MED13L: variants seen among roughly 807,000 people sequenced by gnomAD.
The protein encoded by MED13L is mediator complex subunit 13L.
MED13L carries 7 observed loss-of-function variants against 220.9 expected under a neutral mutation model. The ratio of observed to expected loss-of-function variants is 0.03; its 90% CI spans 0.02 to 0.06. The LOEUF is 0.06. MED13L is among the 10% of genes least tolerant of loss of function. The pLI is 1.00. For synonymous variants in MED13L, 1,011 were observed against 1,015.2 expected, an observed-to-expected ratio of 1.00 and a Z score of 0.08; for missense variants, 1,965 against 2,760.5, an observed-to-expected ratio of 0.71 and a Z score of 6.46.
intron 1 of MED13L, among the ~76,000 whole-genome samples, chr12:116,256,062 A>G (rs1212717283): frequency 6.6e-6 from 1 of 152,248 alleles, no homozygotes; most frequent in African/African-American, 2.4e-5. Flanking sequence ...GTAAAAATTC[A>G]TTGTACTACA....
intron 4 of MED13L, among the ~76,000 whole-genome samples, chr12:116,054,317 C>T (rs1868768236): frequency 6.6e-6 from 1 of 151,968 alleles, no homozygotes; most frequent in Non-Finnish European, 1.5e-5. Flanking sequence ...ATATCATATC[C>T]CACACATCAT....
intron 4 of MED13L, among the ~76,000 whole-genome samples, chr12:116,031,759 A>G (rs199987958): frequency 0.19 from 7,760 of 40,374 alleles, 1,276 homozygotes; most frequent in East Asian, 0.24. Context: ...AGAAAAGAAA[A>G]GAAGGAAGGA....
At position 116,063,275 on chromosome 12, in the gene MED13L, G is replaced by A. The variant is rs548258465; in HGVS notation, c.479+33394C>T. 2.4e-4 allele frequency among the ~76,000 whole-genome samples: 36 copies of A among 152,296 alleles called. No individual in the cohort carries two copies. The South Asian group carries it at 7.5e-3, about 32-fold the overall frequency. ...GGAAAAAAATTAAGCATTGTTTTGG[G>A]CCAGTGCAGAGGATCCCTTAAACTC... On this transcript the variant is annotated intron_variant, in intron 4 of 30. Coordinates refer to ENST00000281928, the MANE Select transcript of MED13L (RefSeq NM_015335.5).
intron 4 of MED13L, among the ~76,000 whole-genome samples, chr12:116,040,891 A>AATTGACC (rs901764668): frequency 6.6e-6 from 1 of 152,216 alleles, no homozygotes; most frequent in Non-Finnish European, 1.5e-5. Flanking sequence ...ATGATGCATC[A>AATTGACC]ATTGACCTAG....
chr12:115,978,280 AACT>A (rs1877085604), intron 23 of MED13L, among the ~76,000 whole-genome samples: 2 of 151,838 alleles, frequency 1.3e-5, no homozygotes, highest in Non-Finnish European at 2.9e-5. Flanking sequence ...AAGACTGTAC[AACT>A]GTGTGGAAAT....
chr12:115,991,969 G>C lies in MED13L; in HGVS notation c.2997-12C>G. The C allele has an allele frequency of 6.3e-7, 1 of 1,595,712 alleles. No homozygotes were observed. Among genetic ancestry groups the C allele is most frequent in the Admixed American group, 1.7e-5 (1 of 59,720 alleles). ...CACTAGGCACGTTACTACAAAAAGAGAAGGCACCAAGTGAGGAAGGGCAGC... is the reference window on the plus strand; with the variant it reads ...CACTAGGCACGTTACTACAAAAAGACAAGGCACCAAGTGAGGAAGGGCAGC... On this transcript the variant is annotated splice_polypyrimidine_tract_variant and intron_variant, in intron 16 of 30. Coordinates refer to ENST00000281928, the MANE Select transcript of MED13L (RefSeq NM_015335.5). The surrounding 1 kb of genome is among the most constrained non-coding windows in gnomAD (Gnocchi z 7.7).
At chr12:116,220,439 C>T (rs1048874230) in intron 2 of MED13L, among the ~76,000 whole-genome samples, 1 of 152,184 alleles carries the variant, frequency 6.6e-6, no homozygotes, top group African/African-American at 2.4e-5. Flanking sequence ...TGACTCATGC[C>T]TATAATCCCA....
chr12:116,059,155 CTTCCCAGACTCAAG>C (rs1037125949), intron 4 of MED13L, among the ~76,000 whole-genome samples: 5 of 152,190 alleles, frequency 3.3e-5, no homozygotes, highest in African/African-American at 1.2e-4. Context: ...GCAGCCTCAA[CTTCCCAGACTCAAG>C]CAATCCTCCC....
intron 4 of MED13L, among the ~76,000 whole-genome samples, chr12:116,054,743 T>C (rs999576886): frequency 6.6e-6 from 1 of 152,196 alleles, no homozygotes; most frequent in Non-Finnish European, 1.5e-5. Flanking sequence ...AACTTTCATA[T>C]ACAGCTGGTG....
At chr12:116,152,545 C>T (rs1878118807) in intron 2 of MED13L, among the ~76,000 whole-genome samples, 1 of 152,236 alleles carries the variant, frequency 6.6e-6, no homozygotes, top group Non-Finnish European at 1.5e-5. Flanking sequence ...TTGCCACCTT[C>T]CCTGCACTGT....
chr12:116,126,353 T>C (rs1240105132), intron 2 of MED13L, among the ~76,000 whole-genome samples: 1 of 152,144 alleles, frequency 6.6e-6, no homozygotes, highest in Non-Finnish European at 1.5e-5. Flanking sequence ...AGTAACACCG[T>C]TGTTTTGGAT....
In MED13L at chr12:115,991,787, G is replaced by T; in HGVS notation, c.3167C>A (p.Thr1056Asn). Residue 1056 changes from threonine to asparagine, a missense_variant, in exon 17 of 31, where the codon ACC becomes AAC. Coordinates refer to ENST00000281928, the MANE Select transcript of MED13L (RefSeq NM_015335.5). The surrounding 1 kb of genome is among the most constrained non-coding windows in gnomAD (Gnocchi z 7.7). ...GCCCCCACCTCTGGGAGTTCTTGGGGTCCTGGGGGTTCGTGGTGTGGGGAC... is the reference window on the plus strand; with the variant it reads ...GCCCCCACCTCTGGGAGTTCTTGGGTTCCTGGGGGTTCGTGGTGTGGGGAC... ...FSVPTPRTPRTPRTPRGGGTA... is the reference protein window; with the variant it reads ...FSVPTPRTPRNPRTPRGGGTA... 1 of 1,613,904 alleles carries T rather than the reference G, an allele frequency of 6.2e-7. No homozygotes were observed. Among genetic ancestry groups the T allele is most frequent in the Non-Finnish European group, 8.5e-7 (1 of 1,180,002 alleles).
At chr12:116,142,640 A>G (rs949553056) in intron 2 of MED13L, among the ~76,000 whole-genome samples, 8 of 152,120 alleles carry the variant, frequency 5.3e-5, no homozygotes, top group Non-Finnish European at 1.0e-4. Flanking sequence ...GCAGGCCGAT[A>G]TTGCGCCACA....
At chr12:116,147,292 C>T (rs1284176213) in intron 2 of MED13L, among the ~76,000 whole-genome samples, 2 of 152,134 alleles carry the variant, frequency 1.3e-5, no homozygotes, top group Non-Finnish European at 2.9e-5. Context: ...TAAATATTAA[C>T]ACCTGACTTT....
At chr12:116,156,556 C>T (rs1348184411) in intron 2 of MED13L, among the ~76,000 whole-genome samples, 1 of 152,132 alleles carries the variant, frequency 6.6e-6, no homozygotes, top group African/African-American at 2.4e-5. Context: ...TACCAACCTC[C>T]TCCTTACCAC....
At chr12:116,057,695 T>C (rs920774089) in intron 4 of MED13L, among the ~76,000 whole-genome samples, 1 of 151,888 alleles carries the variant, frequency 6.6e-6, no homozygotes, top group Admixed American at 6.6e-5. Context: ...CTAAAGTCTA[T>C]TTCCATACCA....
intron 2 of MED13L, among the ~76,000 whole-genome samples, chr12:116,127,478 A>AT (rs1240446012): frequency 3.9e-5 from 6 of 152,232 alleles, no homozygotes; most frequent in Admixed American, 6.5e-5. Flanking sequence ...AATTTTAAAT[A>AT]TAAGTACCCC....
chr12:116,111,030 G>A (rs556397843), intron 3 of MED13L, among the ~76,000 whole-genome samples: 3 of 152,200 alleles, frequency 2.0e-5, no homozygotes, highest in South Asian at 2.1e-4. Flanking sequence ...ATTGAACTAC[G>A]GGTTAGATAA....
At chr12:116,276,940 G>A in intron 1 of MED13L, 120 bp downstream of exon 1, 3 of 1,141,984 alleles carry the variant, frequency 2.6e-6, no homozygotes, top group South Asian at 2.7e-5. Flanking sequence ...GGCGAACGGC[G>A]GGGAGACGCG....
Sources: allele counts gnomAD v4.1 joint callset (sites outside exome capture counted in the v4.1 genomes callset), GRCh38; gene constraint gnomAD v4.1.1; non-coding constraint Gnocchi (gnomAD v3.1); transcripts MANE v1.5; gene names NCBI Gene and HGNC (gene_info 2026-07-23, HGNC 2026-07-21).